STAM2: variants seen among roughly 807,000 people sequenced by gnomAD.
STAM2 encodes the protein signal transducing adapter molecule 2.
A neutral mutation model predicts 65.6 loss-of-function variants in STAM2; 51 were observed. The ratio of observed to expected loss-of-function variants is 0.78; its 90% CI spans 0.62 to 0.98. The LOEUF is 0.98. Ranked by LOEUF, STAM2 falls within the 50% of genes least tolerant of loss-of-function variation. The pLI, the probability that STAM2 is intolerant of heterozygous loss-of-function variation, is 0.00. For synonymous variants in STAM2, 198 were observed against 208.4 expected (o/e 0.95, Z 0.43); for missense variants, 584 against 617.8 (o/e 0.95, Z 0.58).
intron 7 of STAM2, among the ~76,000 whole-genome samples, chr2:152,141,581 T>TTTTG (rs565628185): frequency 4.3e-4 from 65 of 151,394 alleles, no homozygotes; most frequent in South Asian, 2.1e-4. Context: ...CTCAATGTTT[T>TTTTG]TTTGTTTGTT....
At chr2:152,133,135 AAATAATATTAAAATAAT>A in intron 10 of STAM2, 21 bp downstream of exon 10, 1 of 1,080,110 alleles carries the variant, frequency 9.3e-7, no homozygotes, top group Non-Finnish European at 1.2e-6. Flanking sequence ...CTAAAATATT[AAATAATATTAAAATAAT>A]ATAAAATATT....
chr2:152,145,697 G>A (rs1021958825), intron 5 of STAM2, among the ~76,000 whole-genome samples: 1 of 152,206 alleles, frequency 6.6e-6, no homozygotes, highest in Admixed American at 6.5e-5. Context: ...GAGACAAGAG[G>A]TGCAGTTCTA....
intron 7 of STAM2, among the ~76,000 whole-genome samples, chr2:152,136,491 G>A (rs1306536203): frequency 1.3e-5 from 2 of 151,956 alleles, no homozygotes; most frequent in African/African-American, 2.4e-5. Flanking sequence ...AAACACAAGT[G>A]CCCTTTAGTA....
At chr2:152,154,989 T>C (rs1689515290) in intron 1 of STAM2, among the ~76,000 whole-genome samples, 1 of 152,180 alleles carries the variant, frequency 6.6e-6, no homozygotes, top group African/African-American at 2.4e-5. Flanking sequence ...AAATATAAAA[T>C]AATTAGGAAG....
chr2:152,174,142 A>AT (rs1326082313), intron 1 of STAM2, among the ~76,000 whole-genome samples: 1 of 152,212 alleles, frequency 6.6e-6, no homozygotes, highest in African/African-American at 2.4e-5. Flanking sequence ...GTACCAGAGA[A>AT]TTTTTCCATC....
intron 1 of STAM2, among the ~76,000 whole-genome samples, chr2:152,173,951 G>A (rs1446514033): frequency 3.9e-5 from 6 of 152,178 alleles, no homozygotes. Context: ...TCTGGCTTAT[G>A]GCACTGGCCA....
chr2:152,120,584 G>A lies in STAM2; in HGVS notation c.1568C>T (p.Pro523Leu), dbSNP rs1688832927. 2 of 1,613,816 alleles carry A rather than the reference G, an allele frequency of 1.2e-6. No homozygotes were observed. The highest frequency in any genetic ancestry group is 1.3e-5 in the African/African-American group (1 of 74,892). ...ATGCTTGATTTGTTTCTAAAGGAGAGGCTGCTGATGGTAATTTGTGTGCTG... is the reference window on the plus strand; with the variant it reads ...ATGCTTGATTTGTTTCTAAAGGAGAAGCTGCTGATGGTAATTTGTGTGCTG... ...AQQHTNYHQQ[P>L]LL Residue 523 changes from proline (P) to leucine (L), a missense_variant, in exon 14 of 14, where the codon CCT (proline) becomes CTT (leucine). Transcript: ENST00000263904.
At chr2:152,133,559 A>C (rs1689104004) in intron 8 of STAM2, 75 bp from the exon 9 acceptor site, 1 of 1,084,814 alleles carries the variant, frequency 9.2e-7, no homozygotes, top group Non-Finnish European at 1.4e-6. Flanking sequence ...TAAGTGGCCT[A>C]TGATTGTCCA....
rs1373524940 is a variant in STAM2, at chr2:152,122,074, ATATG to A, written c.1350-1276_1350-1273del. On this transcript the variant is annotated intron_variant, in intron 13 of 13. Coordinates refer to ENST00000263904, the MANE Select transcript of STAM2 (RefSeq NM_005843.6). ...AAAAAAAAAATATATATATATATAT[ATATG>A]TGTGTGTGTGTGTGTGTGTGTGTGT... Among the ~76,000 whole-genome samples the A allele has an allele frequency of 7.1e-3, 968 of 135,566 alleles. 7 individuals are homozygous for A. Among genetic ancestry groups the A allele is most frequent in the Non-Finnish European group, 0.011 (679 of 64,136 alleles). 88.9% of individuals were successfully genotyped at this position (135,566 alleles called of 152,430 possible).
chr2:152,165,705 G>C (rs1255247971), intron 1 of STAM2, among the ~76,000 whole-genome samples: 1 of 152,114 alleles, frequency 6.6e-6, no homozygotes, highest in African/African-American at 2.4e-5. Flanking sequence ...CCTCCATTCT[G>C]ACTCAAACCC....
intron 1 of STAM2, among the ~76,000 whole-genome samples, chr2:152,175,248 A>G (rs1277794541): frequency 1.3e-5 from 2 of 152,206 alleles, no homozygotes; most frequent in African/African-American, 4.8e-5. Flanking sequence ...TGGGGCAAAG[A>G]CGGAGGTAAC....
chr2:152,128,511 T>C (rs935517970), intron 11 of STAM2, among the ~76,000 whole-genome samples: 2 of 152,122 alleles, frequency 1.3e-5, no homozygotes, highest in Admixed American at 6.5e-5. Context: ...CCGTAGGAAT[T>C]TGATCCACAA....
At chr2:152,133,842 C>A (rs1419188107) in intron 8 of STAM2, among the ~76,000 whole-genome samples, 2 of 152,116 alleles carry the variant, frequency 1.3e-5, no homozygotes, top group African/African-American at 4.8e-5. Context: ...AGTGTTACCA[C>A]TGGGGTGAAT....
At chr2:152,150,309 A>C in intron 1 of STAM2, 80 bp from the exon 2 acceptor site, 1 of 895,770 alleles carries the variant, frequency 1.1e-6, no homozygotes, top group Non-Finnish European at 1.8e-6. Flanking sequence ...CCAACAGTTA[A>C]GAAATCCTAC....
At chr2:152,144,369 G>C (rs1689301814) in intron 6 of STAM2, among the ~76,000 whole-genome samples, 1 of 151,650 alleles carries the variant, frequency 6.6e-6, no homozygotes, top group South Asian at 2.1e-4. Flanking sequence ...TCTCTCCAAA[G>C]GTAGCACATC....
chr2:152,150,081 T>A (rs1352660641), intron 2 of STAM2, 64 bp downstream of exon 2: 6 of 1,106,376 alleles, frequency 5.4e-6, no homozygotes, highest in Non-Finnish European at 6.8e-6. Context: ...CAAAGTTACA[T>A]CACAAAAAGA....
rs973776432 is a variant in STAM2 at position 152,116,831 on chromosome 2, T to C, written c.*3743A>G. ...TTTAAATAACTTTTATTAGAGTATATTGTTACAACTCTTTCATCTTATTAG... is the reference window on the plus strand; with the variant it reads ...TTTAAATAACTTTTATTAGAGTATACTGTTACAACTCTTTCATCTTATTAG... On this transcript the variant is annotated 3_prime_UTR_variant, in exon 14 of 14. Transcript: ENST00000263904. 1 of 152,248 alleles carries C rather than the reference T, an allele frequency of 6.6e-6. No individual in the cohort carries two copies. Among genetic ancestry groups the C allele is most frequent in the African/African-American group, 2.4e-5 (1 of 41,472 alleles). 9.4% of individuals were successfully genotyped at this position (152,248 alleles called of 1,614,324 possible).
rs200939070 is a variant in STAM2, at chr2:152,162,641, ATTC to A, written c.41-12415_41-12413del. Among the ~76,000 whole-genome samples, 3 of 152,070 alleles carry A rather than the reference ATTC, an allele frequency of 2.0e-5. No individual in the cohort carries two copies. In the East Asian group the frequency reaches 5.8e-4, roughly 29 times the overall value. On this transcript the variant is annotated intron_variant, in intron 1 of 13. Transcript: ENST00000263904. ...TGGGGAAGCTGAGACACAGAAAATT[ATTC>A]TTATTATTATAATTTGAGATACAGT...
At chr2:152,170,008 T>C (rs1381580454) in intron 1 of STAM2, among the ~76,000 whole-genome samples, 1 of 151,944 alleles carries the variant, frequency 6.6e-6, no homozygotes, top group East Asian at 2.0e-4. Flanking sequence ...CAGCTAAGTT[T>C]TGTATTTTCA....
Sources: gnomAD v4.1 joint callset for allele counts (sites outside exome capture counted in the v4.1 genomes callset) on GRCh38, gnomAD v4.1.1 for gene constraint, MANE v1.5 for transcripts, NCBI Gene and HGNC (gene_info 2026-07-23, HGNC 2026-07-21) for gene names.